The following PM20D2 variants were observed in gnomAD, a reference collection of about 807,000 sequenced individuals.
PM20D2 encodes xaa-Arg dipeptidase.
A neutral mutation model predicts 42.9 loss-of-function variants in PM20D2; 33 were observed. That is an observed-to-expected ratio of 0.77 (90% CI 0.58 to 1.03). The LOEUF (loss-of-function observed/expected upper bound fraction) is 1.03, where lower values mean the gene tolerates loss of function less well. Ranked by LOEUF, PM20D2 falls within the 50% of genes least tolerant of loss-of-function variation. The pLI is 0.00. For synonymous variants in PM20D2, 250 were observed against 228.2 expected, an observed-to-expected ratio of 1.10 and a Z score of -0.86; for missense variants, 548 against 557.0, an observed-to-expected ratio of 0.98 and a Z score of 0.16.
At chr6:89,152,933 C>T (rs1021701095) in intron 2 of PM20D2, 110 bp from the exon 3 acceptor site, 2 of 815,702 alleles carry the variant, frequency 2.5e-6, no homozygotes, top group Admixed American at 3.4e-5. Context: ...AATCAAAAGT[C>T]CAGCAATGTG....
the PM20D2 span, among the ~76,000 whole-genome samples, chr6:89,101,917 G>A: frequency 6.6e-6 from 1 of 150,874 alleles, no homozygotes; most frequent in Non-Finnish European, 1.5e-5. Flanking sequence ...GATGTTTTCA[G>A]ACAAAAGCTG....
the PM20D2 span, among the ~76,000 whole-genome samples, chr6:89,112,735 C>G: frequency 1.3e-5 from 2 of 151,978 alleles, no homozygotes; most frequent in African/African-American, 4.8e-5. Context: ...CCATATATAG[C>G]TTTTTCCTTT....
chr6:89,131,035 A>G, the PM20D2 span, among the ~76,000 whole-genome samples: 1 of 151,572 alleles, frequency 6.6e-6, no homozygotes, highest in Non-Finnish European at 1.5e-5. Flanking sequence ...TGAAAAGTTC[A>G]AGGTCAAGGG....
the PM20D2 span, chr6:89,099,036 A>T: frequency 7.1e-7 from 1 of 1,414,392 alleles, no homozygotes; most frequent in South Asian, 1.6e-5. Flanking sequence ...TACTTTACAT[A>T]ACATTAGTTA....
the PM20D2 span, chr6:89,105,122 T>C: frequency 6.2e-7 from 1 of 1,611,502 alleles, no homozygotes; most frequent in South Asian, 1.1e-5. Context: ...TACTCACTCT[T>C]TAAGGCTGTC....
In PM20D2 at chr6:89,165,071, A is replaced by T. The variant is rs886344648; in HGVS notation, c.*2808A>T. The T allele has an allele frequency of 2.6e-5, 4 of 151,960 alleles. No homozygotes were observed. Among genetic ancestry groups the T allele is most frequent in the African/African-American group, 9.7e-5 (4 of 41,406 alleles). The allele number at this position is 151,960 out of a possible 1,614,324, so 9.4% of individuals were successfully genotyped here. A position where few individuals can be genotyped will look rare whatever the true frequency, so the allele number is the denominator to read the frequency against. The stretch of plus-strand genomic sequence containing the variant: ...AAAGCTACCATCTTGAAAATTTTTG[A>T]GGAAGTGTTTCTGAAATATTTAAAA... On this transcript the variant is annotated 3_prime_UTR_variant, in exon 7 of 7. Transcript: ENST00000275072.
At chr6:89,104,016 T>TTG in the PM20D2 span, among the ~76,000 whole-genome samples, 3 of 69,854 alleles carry the variant, frequency 4.3e-5, no homozygotes, top group African/African-American at 1.4e-4. Context: ...TTTTTTTTTT[T>TTG]TGGAGAGACG....
chr6:89,139,944 A>G, the PM20D2 span, among the ~76,000 whole-genome samples: 1 of 152,210 alleles, frequency 6.6e-6, no homozygotes, highest in East Asian at 1.9e-4. Context: ...TTTGAATTTA[A>G]TGCCTCAAGT....
intron 5 of PM20D2, among the ~76,000 whole-genome samples, chr6:89,159,323 AGAG>A (rs947812417): frequency 6.6e-6 from 1 of 152,194 alleles, no homozygotes; most frequent in African/African-American, 2.4e-5. Context: ...CAATCAGGAG[AGAG>A]GAGAAGTCAT....
the PM20D2 span, chr6:89,107,353 C>T: frequency 2.3e-6 from 2 of 862,950 alleles, no homozygotes; most frequent in African/African-American, 1.7e-5. Context: ...AAAGAAAGAA[C>T]ATCATCTAGA....
At chr6:89,102,246 C>A in the PM20D2 span, among the ~76,000 whole-genome samples, 1 of 151,854 alleles carries the variant, frequency 6.6e-6, no homozygotes, top group Non-Finnish European at 1.5e-5. Context: ...CGGGTTCAAG[C>A]GATTCTCCTG....
chr6:89,144,717 C>T (rs12215916), upstream of PM20D2, among the ~76,000 whole-genome samples: 32,111 of 152,154 alleles, frequency 0.21, 4,448 homozygotes, highest in Non-Finnish European at 0.31. Flanking sequence ...TCTCCAATCC[C>T]CCCTTCTCCC....
At chr6:89,153,275 GA>G in intron 3 of PM20D2, 90 bp downstream of exon 3, 1 of 1,095,148 alleles carries the variant, frequency 9.1e-7, no homozygotes, top group Non-Finnish European at 1.2e-6. Context: ...TAAAAATTTG[GA>G]AATATTTTTG....
the PM20D2 span, chr6:89,105,763 G>C: frequency 3.7e-6 from 1 of 269,084 alleles, no homozygotes; most frequent in Admixed American, 5.1e-5. Context: ...AAACAAACAT[G>C]TAACTGTACT....
chr6:89,141,895 C>G (rs1414020788), upstream of PM20D2, among the ~76,000 whole-genome samples: 1 of 152,134 alleles, frequency 6.6e-6, no homozygotes, highest in Non-Finnish European at 1.5e-5. Context: ...CTTTGACCTC[C>G]CGGGCTCAAG....
chr6:89,135,936 G>T, the PM20D2 span, among the ~76,000 whole-genome samples: 1 of 151,030 alleles, frequency 6.6e-6, no homozygotes, highest in Non-Finnish European at 1.5e-5. Flanking sequence ...TTATGGTGTT[G>T]CCCATTGTAG....
the PM20D2 span, among the ~76,000 whole-genome samples, chr6:89,132,978 T>G: frequency 1.3e-5 from 2 of 150,956 alleles, no homozygotes; most frequent in African/African-American, 5.0e-5. Context: ...GTCTCAGCAC[T>G]TTGGGAGGCT....
the PM20D2 span, among the ~76,000 whole-genome samples, chr6:89,134,742 A>T: frequency 6.6e-6 from 1 of 151,214 alleles, no homozygotes; most frequent in African/African-American, 2.5e-5. Flanking sequence ...GGGTTCCTTA[A>T]AAGCAGAGCC....
chr6:89,153,895 C>A (rs1162766443), intron 3 of PM20D2, among the ~76,000 whole-genome samples: 2 of 152,128 alleles, frequency 1.3e-5, no homozygotes, highest in Non-Finnish European at 2.9e-5. Flanking sequence ...AGCCACCATG[C>A]CTGGTCCTGA....
Sources: gnomAD v4.1 joint callset for allele counts (sites outside exome capture counted in the v4.1 genomes callset) on GRCh38, gnomAD v4.1.1 for gene constraint, MANE v1.5 for transcripts, NCBI Gene and HGNC (gene_info 2026-07-23, HGNC 2026-07-21) for gene names.